The following HMG20A variants were observed in gnomAD, a reference collection of about 807,000 sequenced individuals.
HMG20A encodes high mobility group 20A.
In HMG20A, 17 loss-of-function variants were observed where a neutral mutation model predicts 43.9. The ratio of observed to expected loss-of-function variants is 0.39; its 90% CI spans 0.27 to 0.58. HMG20A has a LOEUF of 0.58. Ranked by LOEUF, HMG20A falls within the 20% of genes least tolerant of loss-of-function variation. HMG20A has a pLI of 0.59. For missense variants in HMG20A, 341 were observed against 438.2 expected, an observed-to-expected ratio of 0.78 and a Z score of 1.98; for synonymous variants, 132 against 147.5, an observed-to-expected ratio of 0.89 and a Z score of 0.76.
the HMG20A span, among the ~76,000 whole-genome samples, chr15:77,518,256 C>T: frequency 6.6e-6 from 1 of 152,178 alleles, no homozygotes; most frequent in Non-Finnish European, 1.5e-5. Flanking sequence ...GCTCTGTGAG[C>T]TGGGGACCTT....
chr15:77,493,472 A>G, the HMG20A span, among the ~76,000 whole-genome samples: 2 of 152,190 alleles, frequency 1.3e-5, no homozygotes, highest in African/African-American at 2.4e-5. Context: ...CACCAGCCCA[A>G]GGATCTGGGA....
chr15:77,429,094 A>G (rs1275516154), intron 1 of HMG20A, among the ~76,000 whole-genome samples: 2 of 152,114 alleles, frequency 1.3e-5, no homozygotes, highest in Admixed American at 6.6e-5. Context: ...TATAATCTCA[A>G]CACTTTGGGA....
the HMG20A span, among the ~76,000 whole-genome samples, chr15:77,498,421 T>C: frequency 6.6e-6 from 1 of 152,238 alleles, no homozygotes; most frequent in East Asian, 1.9e-4. Context: ...CTCTGGGGCC[T>C]GTGCAGTAAT....
At chr15:77,503,253 C>T in the HMG20A span, among the ~76,000 whole-genome samples, 3 of 152,128 alleles carry the variant, frequency 2.0e-5, no homozygotes, top group African/African-American at 4.8e-5. Flanking sequence ...GGGCTGGACT[C>T]CAGTCCCAGC....
chr15:77,458,680 A>T lies in HMG20A; in HGVS notation c.89+184A>T, dbSNP rs547134058. ...TAATCTGCATTCAATTATCTTTTGCAGTGCTCTGGTTTTTGTGAACTGGTA... is the reference window on the plus strand; with the variant it reads ...TAATCTGCATTCAATTATCTTTTGCTGTGCTCTGGTTTTTGTGAACTGGTA... On this transcript the variant is annotated intron_variant, in intron 2 of 9. Transcript: ENST00000336216. 217 of 446,352 alleles carry T rather than the reference A, an allele frequency of 4.9e-4. 2 individuals carry two copies. The highest frequency in any genetic ancestry group is 4.1e-3 in the African/African-American group (202 of 49,576). 27.6% of individuals were successfully genotyped at this position (446,352 alleles called of 1,614,324 possible).
At chr15:77,502,773 G>C in the HMG20A span, among the ~76,000 whole-genome samples, 1 of 152,074 alleles carries the variant, frequency 6.6e-6, no homozygotes, top group Non-Finnish European at 1.5e-5. Flanking sequence ...TTTGAGACCA[G>C]CATGGGCAAC....
chr15:77,516,185 CTT>C, the HMG20A span, among the ~76,000 whole-genome samples: 1 of 152,174 alleles, frequency 6.6e-6, no homozygotes, highest in African/African-American at 2.4e-5. Context: ...AAATGTATGA[CTT>C]TTACACCGTG....
chr15:77,471,911 A>G (rs2072812837), intron 6 of HMG20A, 97 bp downstream of exon 6: 1 of 656,318 alleles, frequency 1.5e-6, no homozygotes. Context: ...TGAATGGCAA[A>G]GTATTTCCTA....
At chr15:77,423,108 C>G (rs1370752636) in intron 1 of HMG20A, among the ~76,000 whole-genome samples, 3 of 152,002 alleles carry the variant, frequency 2.0e-5, no homozygotes, top group African/African-American at 7.2e-5. Context: ...TTATGGTACT[C>G]CATGGAAGAA....
rs1482944920 is a variant in HMG20A, at chr15:77,467,113, G to A, written c.256G>A (p.Gly86Ser). The change falls in exon 4 of 10, where the codon GGT becomes AGT. Residue 86 changes from glycine to serine, a missense_variant. Physicochemically the swap from Gly to Ser is moderately conservative, Grantham distance 56. This residue lies in a region of HMG20A where 220 missense variants were observed against 263.6 expected (regional missense o/e 0.83). Transcript: ENST00000336216. The stretch of plus-strand genomic sequence containing the variant: ...TTTGTAGCAACGAAGTAAACGAGGA[G>A]GTTGGTCCAAAGGAAGAAAGAGGAA... ...HEDEQRSKRG[G>S]WSKGRKRKKP... The A allele has an allele frequency of 1.2e-6, 2 of 1,613,698 alleles. No individual in the cohort carries two copies. The highest frequency in any genetic ancestry group is 2.7e-5 in the African/African-American group (2 of 74,996).
chr15:77,499,911 C>T, the HMG20A span, among the ~76,000 whole-genome samples: 8 of 151,838 alleles, frequency 5.3e-5, no homozygotes, highest in Non-Finnish European at 1.2e-4. Flanking sequence ...CTCACTGCAA[C>T]CTCCGCCTCC....
chr15:77,437,510 T>C (rs925689718), intron 1 of HMG20A, among the ~76,000 whole-genome samples: 2 of 152,180 alleles, frequency 1.3e-5, no homozygotes, highest in Non-Finnish European at 2.9e-5. Flanking sequence ...ATTGGCAGTG[T>C]GTGCAGATTT....
intron 6 of HMG20A, 71 bp downstream of exon 6, chr15:77,471,885 ATTTT>A: frequency 3.1e-6 from 2 of 638,582 alleles, no homozygotes; most frequent in Non-Finnish European, 2.6e-6. Flanking sequence ...ATGCTATTGG[ATTTT>A]TTTTTTTTTA....
In HMG20A at chr15:77,444,204, G is replaced by C. The variant is rs79063568; in HGVS notation, c.-4-14200G>C. Among the ~76,000 whole-genome samples the C allele has an allele frequency of 1.7e-3, 254 of 152,216 alleles. 7 individuals are homozygous for C. The East Asian group carries it at 0.044, about 26-fold the overall frequency. ...GTTTTAGCCCCATTTTACATATAAGGGTATTGAAGCAGATGCTCATATAAC... is the reference window on the plus strand; with the variant it reads ...GTTTTAGCCCCATTTTACATATAAGCGTATTGAAGCAGATGCTCATATAAC... On this transcript the variant is annotated intron_variant, in intron 1 of 9. Transcript: ENST00000336216.
chr15:77,514,882 C>T, the HMG20A span, among the ~76,000 whole-genome samples: 1 of 152,134 alleles, frequency 6.6e-6, no homozygotes, highest in Non-Finnish European at 1.5e-5. Flanking sequence ...TCTGCATGTG[C>T]TGTGGGGATG....
At chr15:77,490,104 T>G (rs906519383), downstream of HMG20A, among the ~76,000 whole-genome samples, 1 of 152,062 alleles carries the variant, frequency 6.6e-6, no homozygotes, top group Non-Finnish European at 1.5e-5. Context: ...GGTGAAACCA[T>G]GTTTGTATTT....
At chr15:77,506,091 A>AC in the HMG20A span, among the ~76,000 whole-genome samples, 1 of 150,886 alleles carries the variant, frequency 6.6e-6, no homozygotes, top group African/African-American at 2.5e-5. Context: ...AAAAAAAAAA[A>AC]CCCTTTAATT....
chr15:77,482,900 C>T (rs2072917109), intron 9 of HMG20A, 70 bp from the exon 10 acceptor site: 1 of 152,240 alleles, frequency 6.6e-6, no homozygotes, highest in Non-Finnish European at 1.5e-5. Flanking sequence ...CCATTCAATA[C>T]TTACTTTCTT....
At chr15:77,506,301 G>A in the HMG20A span, among the ~76,000 whole-genome samples, 1 of 152,106 alleles carries the variant, frequency 6.6e-6, no homozygotes, top group East Asian at 1.9e-4. Flanking sequence ...AAGGTCACGG[G>A]GCCTCGCATT....
Sources: allele counts gnomAD v4.1 joint callset (sites outside exome capture counted in the v4.1 genomes callset), GRCh38; gene constraint gnomAD v4.1.1; regional missense constraint gnomAD v4.1.1; transcripts MANE v1.5; gene names NCBI Gene and HGNC (gene_info 2026-07-23, HGNC 2026-07-21).